ETV3L: variants seen among roughly 807,000 people sequenced by gnomAD.
The protein encoded by ETV3L is ETS translocation variant 3-like protein.
ETV3L carries 30 observed loss-of-function variants against 27.6 expected under a neutral mutation model. The ratio of observed to expected loss-of-function variants is 1.09; its 90% CI spans 0.81 to 1.48. The LOEUF (loss-of-function observed/expected upper bound fraction) is 1.48, where lower values mean the gene tolerates loss of function less well. Ranked by LOEUF, ETV3L falls within the 40% of genes most tolerant of loss-of-function variation. ETV3L has a pLI of 0.00. For synonymous variants in ETV3L, 186 were observed against 188.9 expected (o/e 0.98, Z 0.12); for missense variants, 443 against 455.6 (o/e 0.97, Z 0.25).
Position 157,099,391 on chromosome 1 carries a change from G to T in ETV3L, c.59-13C>A, listed in dbSNP as rs747280743. The stretch of plus-strand genomic sequence containing the variant: ...GGGAAGGCCAACCCTGGGTGGAGAG[G>T]GGAGAGTGAGGGCTCTGGAGGCCCT... On this transcript the variant is annotated splice_polypyrimidine_tract_variant and intron_variant, in intron 1 of 4. Transcript: ENST00000454449. The T allele has an allele frequency of 6.2e-7, 1 of 1,614,082 alleles. No individual in the cohort carries two copies. Among genetic ancestry groups the T allele is most frequent in the South Asian group, 1.1e-5 (1 of 91,080 alleles).
At chr1:157,098,919 A>G in intron 2 of ETV3L, 24 bp from the exon 3 acceptor site, 1 of 1,596,412 alleles carries the variant, frequency 6.3e-7, no homozygotes, top group Non-Finnish European at 8.6e-7. Context: ...AGTTGAGAAT[A>G]GAGTTGGCCC....
In ETV3L at chr1:157,093,037, G is replaced by A. The variant is rs1426920343; in HGVS notation, c.698C>T (p.Thr233Ile). The part of the protein sequence containing the change: ...QGELPGVASF[T>I]PPLPPPLPSN... ...GGGCAGAGGGGGCGGGAGGGGAGGAGTGAAGGAGGCAACACCAGGCAGCTC... is the reference window on the plus strand; with the variant it reads ...GGGCAGAGGGGGCGGGAGGGGAGGAATGAAGGAGGCAACACCAGGCAGCTC... The change falls in exon 5 of 5, where the codon ACT (threonine) becomes ATT (isoleucine). Residue 233 changes from threonine (T) to isoleucine (I), a missense_variant. Coordinates refer to ENST00000454449, the MANE Select transcript of ETV3L (RefSeq NM_001004341.2). 2.5e-6 allele frequency: 4 copies of A among 1,582,052 alleles called. No individual in the cohort carries two copies. The East Asian group carries it at 6.8e-5, about 27-fold the overall frequency.
chr1:157,099,723 G>A lies in ETV3L; in HGVS notation c.-200C>T, dbSNP rs989550473. ...AGGTTGCCAGTGAAGGGGAGAAAAG[G>A]GAACCAGAGGCAGCAAGCTTCCCCA... On this transcript the variant is annotated 5_prime_UTR_variant, in exon 1 of 5. Coordinates refer to ENST00000454449, the MANE Select transcript of ETV3L (RefSeq NM_001004341.2). 6.5e-6 allele frequency: 4 copies of A among 613,160 alleles called. No individual in the cohort carries two copies. The African/African-American group carries it at 7.4e-5, about 11-fold the overall frequency. 38.0% of individuals were successfully genotyped at this position (613,160 alleles called of 1,614,324 possible).
chr1:157,096,660 C>A (rs556235672), intron 4 of ETV3L, among the ~76,000 whole-genome samples: 2 of 152,362 alleles, frequency 1.3e-5, no homozygotes, highest in South Asian at 4.1e-4. Context: ...GTGGCTCACG[C>A]CTGTAATCCC....
rs145424664 is a variant in ETV3L, at chr1:157,093,784, C to T, written c.608-657G>A. ...CTGGGATTACAAGCATGAGCCACCG[C>T]GCACAGCTCCTTTTCTGCTTTTCTT... On this transcript the variant is annotated intron_variant, in intron 4 of 4. Coordinates refer to ENST00000454449, the MANE Select transcript of ETV3L (RefSeq NM_001004341.2). Among the ~76,000 whole-genome samples, 205 of 152,286 alleles carry T rather than the reference C, an allele frequency of 1.3e-3. 1 individual carries two copies. Among genetic ancestry groups the T allele is most frequent in the African/African-American group, 4.3e-3 (178 of 41,566 alleles).
chr1:157,099,002 C>A, intron 2 of ETV3L, 107 bp from the exon 3 acceptor site: 6 of 1,486,100 alleles, frequency 4.0e-6, no homozygotes, highest in Non-Finnish European at 4.6e-6. Flanking sequence ...AGCTGTTCCC[C>A]GAGAACCACT....
At chr1:157,093,468 CTTTTCTTTTCTTTTTTCTTTT>C (rs1192318297) in intron 4 of ETV3L, among the ~76,000 whole-genome samples, 3 of 151,370 alleles carry the variant, frequency 2.0e-5, no homozygotes, top group Non-Finnish European at 4.4e-5. Context: ...TCCTTTTATG[CTTTTCTTTTCTTTTTTCTTTT>C]TTTTCTTTTC....
In ETV3L at chr1:157,093,003, C is replaced by G. The variant is rs765783239; in HGVS notation, c.732G>C (p.Trp244Cys). Reference sequence around the variant, plus strand: ...GCAAGAAGGGCCCCGAGAGACAGGTCCAGTTGGAGGGCAGAGGGGGCGGGA... The same window carrying G: ...GCAAGAAGGGCCCCGAGAGACAGGTGCAGTTGGAGGGCAGAGGGGGCGGGA... ...PPLPPPLPSN[W>C]TCLSGPFLPP... The change falls in exon 5 of 5, where the codon TGG (tryptophan) becomes TGC (cysteine). Residue 244 changes from tryptophan (W) to cysteine (C), a missense_variant. Physicochemically the swap from Trp to Cys is radical, Grantham distance 215. Coordinates refer to ENST00000454449, the MANE Select transcript of ETV3L (RefSeq NM_001004341.2). 6.2e-7 allele frequency: 1 copy of G among 1,611,226 alleles called. No individual in the cohort carries two copies. Among genetic ancestry groups the G allele is most frequent in the Non-Finnish European group, 8.5e-7 (1 of 1,178,596 alleles).
chr1:157,093,601 C>T (rs943942283), intron 4 of ETV3L, among the ~76,000 whole-genome samples: 2 of 151,718 alleles, frequency 1.3e-5, no homozygotes, highest in South Asian at 4.2e-4. Context: ...AAGCAATTTT[C>T]CTGTCTCAGC....
intron 4 of ETV3L, among the ~76,000 whole-genome samples, chr1:157,093,384 G>A (rs1294884852): frequency 6.6e-6 from 1 of 152,098 alleles, no homozygotes; most frequent in Non-Finnish European, 1.5e-5. Context: ...CTACAGGTGC[G>A]TGTGCCACCA....
chr1:157,093,427 T>A (rs1011843079), intron 4 of ETV3L, among the ~76,000 whole-genome samples: 36 of 151,942 alleles, frequency 2.4e-4, no homozygotes, highest in African/African-American at 7.0e-4. Context: ...TTTGTATAGA[T>A]TGAGTCTCGC....
At chr1:157,093,319 G>T (rs1352142736) in intron 4 of ETV3L, among the ~76,000 whole-genome samples, 192 bp from the exon 5 acceptor site, 1 of 151,826 alleles carries the variant, frequency 6.6e-6, no homozygotes, top group Non-Finnish European at 1.5e-5. Context: ...GTGTAGGCTT[G>T]AACCCCACCT....
Position 157,096,121 on chromosome 1 carries a change from C to T in ETV3L, c.607+1747G>A, listed in dbSNP as rs76164999. 1.9e-4 allele frequency among the ~76,000 whole-genome samples: 29 copies of T among 152,188 alleles called. No individual in the cohort carries two copies. In the East Asian group the frequency reaches 5.4e-3, roughly 28 times the overall value. On this transcript the variant is annotated intron_variant, in intron 4 of 4. Coordinates refer to ENST00000454449, the MANE Select transcript of ETV3L (RefSeq NM_001004341.2). ...CTCGCCCTCTGTTCCAGGGCCATTGCACACACTATTCTCTCGCTCGCCATG... is the reference window on the plus strand; with the variant it reads ...CTCGCCCTCTGTTCCAGGGCCATTGTACACACTATTCTCTCGCTCGCCATG...
intron 4 of ETV3L, 67 bp from the exon 5 acceptor site, chr1:157,093,194 A>C: frequency 9.0e-7 from 1 of 1,108,490 alleles, no homozygotes; most frequent in Non-Finnish European, 1.2e-6. Context: ...TGCTCCTCCC[A>C]TTTCCCAGCC....
chr1:157,099,326 C>T lies in ETV3L; in HGVS notation c.111G>A (p.Arg37=). Reference sequence around the variant, plus strand: ...GGATGAAGTGCCACAGCTGGATCTGCCGGGAGCCTGGGGACGACTCGGCTT... The same window carrying T: ...GGATGAAGTGCCACAGCTGGATCTGTCGGGAGCCTGGGGACGACTCGGCTT... ...AYKAESSPGS[R]QIQLWHFILE... is the part of the protein sequence containing the mutation. Residue 37 remains arginine, a synonymous_variant, in exon 2 of 5, where the codon CGG becomes CGA. Coordinates refer to ENST00000454449, the MANE Select transcript of ETV3L (RefSeq NM_001004341.2). The T allele has an allele frequency of 6.2e-7, 1 of 1,614,212 alleles. No individual in the cohort carries two copies. Among genetic ancestry groups the T allele is most frequent in the South Asian group, 1.1e-5 (1 of 91,092 alleles).
At chr1:157,096,689 G>A (rs1430925779) in intron 4 of ETV3L, among the ~76,000 whole-genome samples, 1 of 152,250 alleles carries the variant, frequency 6.6e-6, no homozygotes, top group Non-Finnish European at 1.5e-5. Flanking sequence ...GGAAGGCCGA[G>A]GCAGGCGGAT....
rs372629674 is a variant in ETV3L at position 157,092,992 on chromosome 1, G to C, written c.743C>G (p.Ser248Trp). 6.2e-7 allele frequency: 1 copy of C among 1,612,606 alleles called. No individual in the cohort carries two copies. ...PPLPSNWTCL[S>W]GPFLPPLPSE... The stretch of plus-strand genomic sequence containing the variant: ...CGGGAGAGGAGGCAAGAAGGGCCCC[G>C]AGAGACAGGTCCAGTTGGAGGGCAG... The change falls in exon 5 of 5, where the codon TCG (serine) becomes TGG (tryptophan). Residue 248 changes from serine to tryptophan, a missense_variant. Physicochemically the swap from Ser to Trp is radical, Grantham distance 177. Coordinates refer to ENST00000454449, the MANE Select transcript of ETV3L (RefSeq NM_001004341.2).
At chr1:157,094,444 T>C (rs927720377) in intron 4 of ETV3L, among the ~76,000 whole-genome samples, 1 of 152,220 alleles carries the variant, frequency 6.6e-6, no homozygotes, top group Non-Finnish European at 1.5e-5. Flanking sequence ...GGCCCTACAA[T>C]AGGGCCTCCC....
Position 157,099,192 on chromosome 1 carries a change from C to A in ETV3L, c.245G>T (p.Arg82Leu). ...ATTCATCTGTGGTTTGCATTTCCTG[C>A]GGCCCCAGAGGCGGGCCACCTCATC... ...DPDEVARLWGRRKCKPQMNYD... is the reference protein window; with the variant it reads ...DPDEVARLWGLRKCKPQMNYD... The change falls in exon 2 of 5, where the codon CGC (arginine) becomes CTC (leucine). Residue 82 changes from arginine to leucine, a missense_variant. Transcript: ENST00000454449. The A allele has an allele frequency of 6.2e-7, 1 of 1,613,808 alleles. No individual in the cohort carries two copies. The highest frequency in any genetic ancestry group is 1.1e-5 in the South Asian group (1 of 91,066).
Sources: gnomAD v4.1 joint callset for allele counts (sites outside exome capture counted in the v4.1 genomes callset) on GRCh38, gnomAD v4.1.1 for gene constraint, MANE v1.5 for transcripts, NCBI Gene and HGNC (gene_info 2026-07-23, HGNC 2026-07-21) for gene names.